Variants in DCAF8 observed in about 807,000 individuals in gnomAD.
The protein encoded by DCAF8 is DDB1- and CUL4-associated factor 8.
A neutral mutation model predicts 68.0 loss-of-function variants in DCAF8; 20 were observed. That is an observed-to-expected ratio of 0.29 (90% CI 0.21 to 0.43). The LOEUF (loss-of-function observed/expected upper bound fraction) is 0.43, where lower values mean the gene tolerates loss of function less well. Ranked by LOEUF, DCAF8 falls within the 20% of genes least tolerant of loss-of-function variation. The pLI, the probability that DCAF8 is intolerant of heterozygous loss-of-function variation, is 1.00. For missense variants in DCAF8, 460 were observed against 771.0 expected, an observed-to-expected ratio of 0.60 and a Z score of 4.78; for synonymous variants, 230 against 276.9, an observed-to-expected ratio of 0.83 and a Z score of 1.68.
intron 2 of DCAF8, among the ~76,000 whole-genome samples, chr1:160,246,725 T>C (rs1656355738): frequency 6.6e-6 from 1 of 151,996 alleles, no homozygotes; most frequent in Non-Finnish European, 1.5e-5. Context: ...CTCACGCCTA[T>C]AATCCCAGCA....
At chr1:160,254,451 AAT>A (rs1272900656) in intron 2 of DCAF8, among the ~76,000 whole-genome samples, 1 of 152,212 alleles carries the variant, frequency 6.6e-6, no homozygotes, top group Non-Finnish European at 1.5e-5. Context: ...GTTTATAAGA[AAT>A]ATTTAATTCT....
At position 160,240,389 on chromosome 1, in the gene DCAF8, G is replaced by T. The variant is rs55749211; in HGVS notation, c.50-19C>A. ...AGGCTTCCTGCATGTTAGTGAGGAA[G>T]GAGTAGAGGAGAGGGAAAAATAAGA... On this transcript the variant is annotated intron_variant, in intron 3 of 13. Transcript: ENST00000368074. 4.4e-3 allele frequency: 6,975 copies of T among 1,568,600 alleles called. 140 individuals carry two copies. In the African/African-American group the frequency reaches 0.048, roughly 11 times the overall value.
At chr1:160,253,875 C>T (rs1656713467) in intron 2 of DCAF8, among the ~76,000 whole-genome samples, 1 of 151,688 alleles carries the variant, frequency 6.6e-6, no homozygotes, top group African/African-American at 2.4e-5. Flanking sequence ...GTCCATGCTT[C>T]CAAAAAAATA....
At chr1:160,225,469 G>A (rs1455770636) in intron 8 of DCAF8, 122 bp downstream of exon 8, 2 of 745,000 alleles carry the variant, frequency 2.7e-6, no homozygotes, top group African/African-American at 1.8e-5. Context: ...GGTAAAGCCA[G>A]GATTCAAATC....
Position 160,238,656 on chromosome 1 carries a change from C to T in DCAF8, c.815G>A (p.Cys272Tyr). 1 of 1,613,742 alleles carries T rather than the reference C, an allele frequency of 6.2e-7. No homozygotes were observed. Residue 272 changes from cysteine (C) to tyrosine (Y), a missense_variant, in exon 5 of 14, where the codon TGT (cysteine) becomes TAT (tyrosine). Cys to Tyr is a radical substitution (Grantham distance 194). Around this residue, in one of 8 missense-constraint regions of DCAF8, gnomAD observed 170 missense variants for 318.2 expected, o/e 0.53. Coordinates refer to ENST00000368074, the MANE Select transcript of DCAF8 (RefSeq NM_015726.4). ...GGCCACACGTTTTGTATTCTTGCAA[C>T]ACTGTGTGGCAGACAGTTCTGCTAC... Reference protein sequence around the residue: ...VRVAELSATQCCKNTKRVAQH... With the variant: ...VRVAELSATQYCKNTKRVAQH...
chr1:160,226,366 C>T (rs1200287713), intron 7 of DCAF8, among the ~76,000 whole-genome samples: 1 of 152,094 alleles, frequency 6.6e-6, no homozygotes, highest in Admixed American at 6.6e-5. Context: ...TCAAGACTCC[C>T]TCTCCTTTCC....
intron 2 of DCAF8, among the ~76,000 whole-genome samples, chr1:160,245,723 G>T (rs1456471881): frequency 6.6e-6 from 1 of 152,120 alleles, no homozygotes; most frequent in East Asian, 1.9e-4. Context: ...TCATTTTTGA[G>T]GTAGACAGTT....
At chr1:160,222,905 T>G in intron 10 of DCAF8, 124 bp from the exon 11 acceptor site, 1 of 1,353,076 alleles carries the variant, frequency 7.4e-7, no homozygotes, top group Middle Eastern at 1.9e-4. Flanking sequence ...GTTTAACAGA[T>G]AGTTATAGGA....
chr1:160,218,460 G>A lies in DCAF8; in HGVS notation c.1561-20C>T. ...AATCACCTGGAACCCAAAAAGGTTG[G>A]GAAGAGGGGGCAGCAATGAAGAGGA... is the stretch of plus-strand genomic sequence containing the variant. On this transcript the variant is annotated intron_variant, in intron 12 of 13. Coordinates refer to ENST00000368074, the MANE Select transcript of DCAF8 (RefSeq NM_015726.4). The A allele has an allele frequency of 6.3e-7, 1 of 1,592,280 alleles. No individual in the cohort carries two copies. Among genetic ancestry groups the A allele is most frequent in the Admixed American group, 1.7e-5 (1 of 59,994 alleles).
At chr1:160,228,680 A>C (rs1045208905) in intron 7 of DCAF8, among the ~76,000 whole-genome samples, 1 of 151,552 alleles carries the variant, frequency 6.6e-6, no homozygotes, top group Non-Finnish European at 1.5e-5. Flanking sequence ...CTTTTTAATA[A>C]CCCTAAACTA....
chr1:160,223,349 G>T (rs1655360188), intron 10 of DCAF8, among the ~76,000 whole-genome samples: 1 of 152,080 alleles, frequency 6.6e-6, no homozygotes, highest in South Asian at 2.1e-4. Context: ...TCCTTTATCT[G>T]CCTGTGTACT....
intron 9 of DCAF8, 150 bp from the exon 10 acceptor site, chr1:160,224,699 G>T: frequency 1.5e-6 from 1 of 661,994 alleles, no homozygotes; most frequent in Non-Finnish European, 2.7e-6. Context: ...AGGCAAGTCC[G>T]ACTGTACAGG....
At chr1:160,240,721 T>C (rs748502215) in intron 3 of DCAF8, among the ~76,000 whole-genome samples, 51 of 152,216 alleles carry the variant, frequency 3.4e-4, no homozygotes, top group Non-Finnish European at 1.5e-4. Context: ...TGGGCATTTA[T>C]TAAGTTATAG....
At chr1:160,251,089 T>C (rs1557841397) in intron 2 of DCAF8, among the ~76,000 whole-genome samples, 1 of 152,174 alleles carries the variant, frequency 6.6e-6, no homozygotes, top group African/African-American at 2.4e-5. Context: ...TGCCCAACTC[T>C]CCTACATAAA....
Position 160,217,546 on chromosome 1 carries a change from AG to A in DCAF8, c.*45del. 7.0e-7 allele frequency: 1 copy of A among 1,430,796 alleles called. No individual in the cohort carries two copies. The highest frequency in any genetic ancestry group is 9.8e-7 in the Non-Finnish European group (1 of 1,023,450). 88.6% of individuals were successfully genotyped at this position (1,430,796 alleles called of 1,614,324 possible). A position where few individuals can be genotyped will look rare whatever the true frequency, so the allele number is the denominator to read the frequency against. ...TGGGACAGGAAAGGGTTGCCCAGGC[AG>A]GATCAGGTTGGCAGCCCCAGCCTGC... is the stretch of plus-strand genomic sequence containing the variant. On this transcript the variant is annotated 3_prime_UTR_variant, in exon 14 of 14. Coordinates refer to ENST00000368074, the MANE Select transcript of DCAF8 (RefSeq NM_015726.4).
intron 7 of DCAF8, among the ~76,000 whole-genome samples, chr1:160,228,092 AT>A (rs34386233): frequency 8.9e-4 from 129 of 145,270 alleles, no homozygotes; most frequent in African/African-American, 1.2e-3. Flanking sequence ...TTTTTTCTTA[AT>A]TTTTTTTTTT....
At chr1:160,230,749 ACTT>A (rs1655650178) in intron 7 of DCAF8, among the ~76,000 whole-genome samples, 1 of 151,624 alleles carries the variant, frequency 6.6e-6, no homozygotes, top group Admixed American at 6.6e-5. Flanking sequence ...AATTCATCTA[ACTT>A]CTTTTCTTTT....
At chr1:160,250,300 TTA>T (rs1216905884) in intron 2 of DCAF8, among the ~76,000 whole-genome samples, 2 of 151,676 alleles carry the variant, frequency 1.3e-5, no homozygotes, top group East Asian at 1.9e-4. Context: ...CCCATCCCTA[TTA>T]AAAGTACAAA....
At chr1:160,223,320 G>C (rs1655359162) in intron 10 of DCAF8, among the ~76,000 whole-genome samples, 1 of 152,158 alleles carries the variant, frequency 6.6e-6, no homozygotes, top group Non-Finnish European at 1.5e-5. Flanking sequence ...TACAATATTG[G>C]CCATGAGACT....
Sources: allele counts gnomAD v4.1 joint callset (sites outside exome capture counted in the v4.1 genomes callset), GRCh38; gene constraint gnomAD v4.1.1; regional missense constraint gnomAD v4.1.1; transcripts MANE v1.5; gene names NCBI Gene and HGNC (gene_info 2026-07-23, HGNC 2026-07-21).